Variants in PPP1R9A observed in about 807,000 individuals in gnomAD.
PPP1R9A encodes protein phosphatase 1 regulatory subunit 9A, also known as neurabin-1.
A neutral mutation model predicts 141.9 loss-of-function variants in PPP1R9A; 59 were observed. The ratio of observed to expected loss-of-function variants is 0.42; its 90% CI spans 0.34 to 0.52. PPP1R9A has a LOEUF of 0.52. PPP1R9A is among the 20% of genes least tolerant of loss of function. The pLI is 0.10. For missense variants in PPP1R9A, 1,444 were observed against 1,611.9 expected (o/e 0.90, Z 1.78); for synonymous variants, 500 against 569.7 (o/e 0.88, Z 1.74).
At chr7:95,124,934 A>C (rs1823299337) in intron 4 of PPP1R9A, among the ~76,000 whole-genome samples, 1 of 152,062 alleles carries the variant, frequency 6.6e-6, no homozygotes, top group Middle Eastern at 3.2e-3. Flanking sequence ...AGTTTAAAAA[A>C]TTTGCCGTGG....
intron 6 of PPP1R9A, among the ~76,000 whole-genome samples, 196 bp from the exon 7 acceptor site, chr7:95,203,469 A>G (rs1790018107): frequency 6.6e-6 from 1 of 152,194 alleles, no homozygotes; most frequent in African/African-American, 2.4e-5. Context: ...TAATGTAAAT[A>G]GACTTTATAC....
chr7:95,170,743 A>C (rs982555462), intron 5 of PPP1R9A, among the ~76,000 whole-genome samples: 26 of 151,404 alleles, frequency 1.7e-4, no homozygotes, highest in Admixed American at 1.6e-3. Context: ...TAATAATGTA[A>C]ATAATATAAA....
Position 95,154,165 on chromosome 7 carries a change from C to T in PPP1R9A, c.1650-7702C>T, listed in dbSNP as rs537270094. ...TGTAGAGTTTATGGGTATCAACTTT[C>T]CTCTTAGCACTGCATTTGCTATCTA... On this transcript the variant is annotated intron_variant, in intron 4 of 19. Coordinates refer to ENST00000433360, the MANE Select transcript of PPP1R9A (RefSeq NM_001166160.2). Among the ~76,000 whole-genome samples, 158 of 151,074 alleles carry T rather than the reference C, an allele frequency of 1.0e-3. 9 individuals are homozygous for T. The South Asian group carries it at 0.033, about 32-fold the overall frequency.
At chr7:94,934,788 T>C (rs1024104755) in intron 2 of PPP1R9A, among the ~76,000 whole-genome samples, 5 of 120,872 alleles carry the variant, frequency 4.1e-5, no homozygotes, top group Admixed American at 8.2e-5. Context: ...TAAAAGCTTT[T>C]ATCAAATGTG....
At chr7:95,171,895 TGTAAATACA>T (rs1479074124) in intron 5 of PPP1R9A, among the ~76,000 whole-genome samples, 2 of 151,646 alleles carry the variant, frequency 1.3e-5, no homozygotes, top group African/African-American at 2.4e-5. Context: ...TCCTCATGAA[TGTAAATACA>T]GAAGTCCAAA....
chr7:95,179,041 TAA>T (rs1225959478), intron 5 of PPP1R9A, among the ~76,000 whole-genome samples: 2 of 152,084 alleles, frequency 1.3e-5, no homozygotes, highest in Non-Finnish European at 2.9e-5. Flanking sequence ...GGCATCACCC[TAA>T]TATCAAGACC....
chr7:95,009,438 C>T (rs1029176722), intron 2 of PPP1R9A, among the ~76,000 whole-genome samples: 3 of 152,160 alleles, frequency 2.0e-5, no homozygotes, highest in African/African-American at 4.8e-5. Flanking sequence ...CAAGATGTGG[C>T]GGTTTCCTAA....
At chr7:94,935,222 G>A (rs887706135) in intron 2 of PPP1R9A, among the ~76,000 whole-genome samples, 2 of 152,006 alleles carry the variant, frequency 1.3e-5, no homozygotes, top group Admixed American at 6.6e-5. Flanking sequence ...TCATCTCTCC[G>A]CCAAAGTATG....
chr7:95,014,840 A>G (rs1334085233), intron 2 of PPP1R9A, among the ~76,000 whole-genome samples: 1 of 152,060 alleles, frequency 6.6e-6, no homozygotes, highest in Non-Finnish European at 1.5e-5. Flanking sequence ...ATTTATTTAT[A>G]TTAGCATGAA....
intron 2 of PPP1R9A, among the ~76,000 whole-genome samples, chr7:95,100,228 T>A (rs1818582643): frequency 6.6e-6 from 1 of 152,088 alleles, no homozygotes; most frequent in African/African-American, 2.4e-5. Context: ...GAGACCAGCC[T>A]GGGCAACATA....
chr7:95,131,064 T>A (rs1424103110), intron 4 of PPP1R9A, among the ~76,000 whole-genome samples: 1 of 152,102 alleles, frequency 6.6e-6, no homozygotes, highest in Non-Finnish European at 1.5e-5. Context: ...TCAGGACATG[T>A]GATTTGGCAG....
At chr7:95,191,685 G>C (rs895002179) in intron 5 of PPP1R9A, among the ~76,000 whole-genome samples, 7 of 152,030 alleles carry the variant, frequency 4.6e-5, no homozygotes, top group African/African-American at 1.7e-4. Context: ...GCGATGATAA[G>C]CTTAGAAAAA....
intron 4 of PPP1R9A, chr7:95,155,570 A>G (rs1829475977): frequency 6.6e-6 from 1 of 152,226 alleles, no homozygotes; most frequent in Admixed American, 6.5e-5. Context: ...TTTCTGTGCT[A>G]TCACAGTTTG....
chr7:95,268,746 A>G (rs1211227199), intron 13 of PPP1R9A, 39 bp downstream of exon 13: 1 of 1,598,046 alleles, frequency 6.3e-7, no homozygotes, highest in East Asian at 2.2e-5. Flanking sequence ...GTACTGTTGG[A>G]GTATATCATT....
chr7:95,023,072 C>T (rs762310062), intron 2 of PPP1R9A, among the ~76,000 whole-genome samples: 52 of 152,226 alleles, frequency 3.4e-4, no homozygotes, highest in Non-Finnish European at 5.9e-4. Flanking sequence ...CCTCTTTGTA[C>T]CTCTGGTAGA....
At chr7:95,088,123 G>C (rs1161819286) in intron 2 of PPP1R9A, among the ~76,000 whole-genome samples, 2 of 151,920 alleles carry the variant, frequency 1.3e-5, no homozygotes, top group Non-Finnish European at 2.9e-5. Flanking sequence ...TTGAAACCAA[G>C]AAAAAGAAAT....
At chr7:95,142,296 A>G (rs1826842752) in intron 4 of PPP1R9A, among the ~76,000 whole-genome samples, 1 of 152,076 alleles carries the variant, frequency 6.6e-6, no homozygotes, top group Non-Finnish European at 1.5e-5. Context: ...CTTTTAACTT[A>G]TGAGTTGCCT....
In PPP1R9A at chr7:95,008,326, A is replaced by T. The variant is rs113693661; in HGVS notation, c.1395+96818A>T. 3.3e-5 allele frequency among the ~76,000 whole-genome samples: 5 copies of T among 152,172 alleles called. No individual in the cohort carries two copies. The East Asian group carries it at 7.8e-4, about 24-fold the overall frequency. ...AACACCTACTTGAAATCTCCCTACAATCGGCATACAGATATATATGAAGCT... is the reference window on the plus strand; with the variant it reads ...AACACCTACTTGAAATCTCCCTACATTCGGCATACAGATATATATGAAGCT... On this transcript the variant is annotated intron_variant, in intron 2 of 19. Transcript: ENST00000433360.
At chr7:95,289,367 A>C (rs1159635213) in intron 19 of PPP1R9A, among the ~76,000 whole-genome samples, 2 of 152,164 alleles carry the variant, frequency 1.3e-5, no homozygotes, top group Non-Finnish European at 2.9e-5. Context: ...GTATCTCTTG[A>C]CAATCTTGAA....
Sources: gnomAD v4.1 joint callset for allele counts (sites outside exome capture counted in the v4.1 genomes callset) on GRCh38, gnomAD v4.1.1 for gene constraint, MANE v1.5 for transcripts, NCBI Gene and HGNC (gene_info 2026-07-23, HGNC 2026-07-21) for gene names.